Variants in CLASP1 observed in about 807,000 individuals in gnomAD.
CLASP1 encodes cytoplasmic linker associated protein 1, also known as CLIP-associating protein 1.
In CLASP1, 38 loss-of-function variants were observed where a neutral mutation model predicts 192.3. That is an observed-to-expected ratio of 0.20 (90% CI 0.15 to 0.26). The LOEUF (loss-of-function observed/expected upper bound fraction) is 0.26. Ranked by LOEUF, CLASP1 falls within the 10% of genes least tolerant of loss-of-function variation. The probability of loss-of-function intolerance (pLI) is 1.00; values close to 1 mark genes in which losing one functional copy is unlikely to be tolerated. For missense variants in CLASP1, 1,433 were observed against 1,932.5 expected, an observed-to-expected ratio of 0.74 and a Z score of 4.85; for synonymous variants, 691 against 712.8, an observed-to-expected ratio of 0.97 and a Z score of 0.49.
At chr2:121,448,125 A>G in intron 18 of CLASP1, 151 bp downstream of exon 18, 1 of 658,934 alleles carries the variant, frequency 1.5e-6, no homozygotes, top group Non-Finnish European at 2.7e-6. Context: ...GCTCTGCTGG[A>G]GAGTCAGGGC....
rs114138156 is a variant in CLASP1 at position 121,374,564 on chromosome 2, C to T, written c.3642+2935G>A. 7.9e-3 allele frequency among the ~76,000 whole-genome samples: 1,209 copies of T among 152,334 alleles called. 2 individuals are homozygous for T. The highest frequency in any genetic ancestry group is 0.013 in the Non-Finnish European group (884 of 68,034). On this transcript the variant is annotated intron_variant, in intron 34 of 39. Coordinates refer to ENST00000263710, the Ensembl canonical transcript of CLASP1. ...TGTGTGCCTGGAAAAGCCGCAGGCA[C>T]GCAATGTCAGTCCATGAAAGCAGCT...
chr2:121,516,551 G>A (rs1356532612), intron 6 of CLASP1, among the ~76,000 whole-genome samples: 3 of 152,334 alleles, frequency 2.0e-5, no homozygotes, highest in East Asian at 1.9e-4. Context: ...CATGAAATAC[G>A]AAATAAGGTG....
At chr2:121,470,853 C>T (rs1402770266) in intron 8 of CLASP1, among the ~76,000 whole-genome samples, 1 of 152,116 alleles carries the variant, frequency 6.6e-6, no homozygotes, top group Non-Finnish European at 1.5e-5. Context: ...CATTTTTAAA[C>T]TTTAATCAAT....
chr2:121,593,948 C>T (rs894764120), intron 2 of CLASP1, among the ~76,000 whole-genome samples: 1 of 150,898 alleles, frequency 6.6e-6, no homozygotes, highest in African/African-American at 2.4e-5. Flanking sequence ...GCGGAGGTTG[C>T]GGTGAGCCGA....
chr2:121,358,376 G>A (rs1011480142), intron 37 of CLASP1, among the ~76,000 whole-genome samples: 9 of 152,202 alleles, frequency 5.9e-5, no homozygotes, highest in African/African-American at 2.2e-4. Context: ...GTACAGAGGG[G>A]TAAAGGCATT....
chr2:121,417,653 T>C (rs2078824636), intron 23 of CLASP1, among the ~76,000 whole-genome samples: 1 of 152,226 alleles, frequency 6.6e-6, no homozygotes, highest in Non-Finnish European at 1.5e-5. Flanking sequence ...TCTGGTTACC[T>C]GTTCTTTTTC....
intron 2 of CLASP1, among the ~76,000 whole-genome samples, chr2:121,593,533 C>T (rs1295972627): frequency 2.0e-5 from 3 of 149,094 alleles, no homozygotes; most frequent in East Asian, 2.0e-4. Flanking sequence ...GCAGAAGAAT[C>T]GCTTGATCCG....
intron 8 of CLASP1, among the ~76,000 whole-genome samples, chr2:121,478,975 CACACACACCA>C (rs2092301512): frequency 1.3e-5 from 1 of 75,750 alleles, no homozygotes; most frequent in African/African-American, 7.0e-5. Flanking sequence ...ACACACACCA[CACACACACCA>C]CACACCCCAC....
chr2:121,459,595 T>C (rs1416586844), intron 12 of CLASP1: 4 of 160,218 alleles, frequency 2.5e-5, no homozygotes, highest in Non-Finnish European at 2.7e-5. Context: ...CTTACTGCAG[T>C]AAATGCCTTT....
intron 23 of CLASP1, among the ~76,000 whole-genome samples, chr2:121,413,529 T>C (rs1268508453): frequency 6.6e-6 from 1 of 152,188 alleles, no homozygotes; most frequent in Admixed American, 6.5e-5. Flanking sequence ...ATGTTGAGTA[T>C]TGCTAAACAG....
chr2:121,582,256 G>A (rs576348281), intron 2 of CLASP1, among the ~76,000 whole-genome samples: 94 of 150,094 alleles, frequency 6.3e-4, no homozygotes, highest in South Asian at 1.7e-3. Flanking sequence ...GACAGGACAG[G>A]ACAGAACAGG....
At chr2:121,491,510 T>C (rs1216454874) in intron 8 of CLASP1, among the ~76,000 whole-genome samples, 2 of 152,236 alleles carry the variant, frequency 1.3e-5, no homozygotes, top group African/African-American at 4.8e-5. Context: ...GGGTCTTTCA[T>C]TCTGAAAATC....
chr2:121,371,217 GTGTA>G lies in CLASP1; in HGVS notation c.3643-3390_3643-3387del, dbSNP rs201021455. 1.5e-3 allele frequency among the ~76,000 whole-genome samples: 231 copies of G among 151,552 alleles called. 1 individual carries two copies. The highest frequency in any genetic ancestry group is 0.014 in the Admixed American group (208 of 15,244). On this transcript the variant is annotated intron_variant, in intron 34 of 39. Transcript: ENST00000263710. ...ACATATTAAGTGTGTGTGTGTGTGTGTGTATATATACATATATATATATTTTTTT... is the reference window on the plus strand; with the variant it reads ...ACATATTAAGTGTGTGTGTGTGTGTGTATATACATATATATATATTTTTTT...
At chr2:121,550,015 A>AC (rs2057884135) in intron 2 of CLASP1, among the ~76,000 whole-genome samples, 4 of 151,478 alleles carry the variant, frequency 2.6e-5, no homozygotes, top group Admixed American at 2.6e-4. Flanking sequence ...CAAAAAAAAA[A>AC]AAAAAAAAAA....
chr2:121,448,929 G>A (rs775183790), intron 17 of CLASP1, 24 bp downstream of exon 17: 1 of 1,599,082 alleles, frequency 6.3e-7, no homozygotes, highest in South Asian at 1.1e-5. Context: ...TCACATGAAT[G>A]ATAAGCAAAG....
intron 8 of CLASP1, among the ~76,000 whole-genome samples, chr2:121,495,218 G>A (rs1026960176): frequency 6.6e-6 from 1 of 151,920 alleles, no homozygotes; most frequent in African/African-American, 2.4e-5. Context: ...AGCTACTCAG[G>A]AGGCTGAGGC....
At chr2:121,483,818 C>T (rs2092789970) in intron 8 of CLASP1, among the ~76,000 whole-genome samples, 1 of 152,152 alleles carries the variant, frequency 6.6e-6, no homozygotes, top group Non-Finnish European at 1.5e-5. Flanking sequence ...GCTGTATTTA[C>T]ATAATTATAA....
chr2:121,603,151 C>T (rs1024944058), intron 2 of CLASP1: 5 of 151,306 alleles, frequency 3.3e-5, no homozygotes, highest in African/African-American at 9.7e-5. Flanking sequence ...TAACTCATTA[C>T]CATTGGACCA....
chr2:121,501,079 T>G (rs1461442400), intron 8 of CLASP1, among the ~76,000 whole-genome samples: 3 of 152,226 alleles, frequency 2.0e-5, no homozygotes, highest in Non-Finnish European at 2.9e-5. Context: ...ATGTACACAC[T>G]CTTTTAGGCA....
Sources: gnomAD v4.1 joint callset for allele counts (sites outside exome capture counted in the v4.1 genomes callset) on GRCh38, gnomAD v4.1.1 for gene constraint, MANE v1.5 for transcripts, NCBI Gene and HGNC (gene_info 2026-07-23, HGNC 2026-07-21) for gene names.